GRM5: variants seen among roughly 807,000 people sequenced by gnomAD.
The protein encoded by GRM5 is glutamate metabotropic receptor 5, also known as metabotropic glutamate receptor 5.
In GRM5, 19 loss-of-function variants were observed where a neutral mutation model predicts 83.1. The ratio of observed to expected loss-of-function variants is 0.23; its 90% CI spans 0.16 to 0.34. GRM5 has a LOEUF of 0.34. Ranked by LOEUF, GRM5 falls within the 10% of genes least tolerant of loss-of-function variation. The probability of loss-of-function intolerance (pLI) is 1.00; values close to 1 mark genes in which losing one functional copy is unlikely to be tolerated. For synonymous variants in GRM5, 675 were observed against 633.6 expected (o/e 1.07, Z -0.98); for missense variants, 1,160 against 1,588.3 (o/e 0.73, Z 4.58).
chr11:89,033,367 A>G (rs1941309453), intron 2 of GRM5, among the ~76,000 whole-genome samples: 1 of 151,906 alleles, frequency 6.6e-6, no homozygotes, highest in African/African-American at 2.4e-5. Context: ...TCAGAAACAA[A>G]GTTTTACATA....
intron 9 of GRM5, among the ~76,000 whole-genome samples, chr11:88,518,705 CTTA>C (rs1385818030): frequency 2.0e-5 from 3 of 151,684 alleles, no homozygotes; most frequent in African/African-American, 7.3e-5. Flanking sequence ...AAATCTTGGC[CTTA>C]TTATTGGTAT....
intron 1 of GRM5, among the ~76,000 whole-genome samples, chr11:89,063,187 C>T (rs1165144247): frequency 3.3e-5 from 5 of 152,240 alleles, no homozygotes; most frequent in African/African-American, 1.2e-4. Context: ...TTCGAAACCA[C>T]GCGCACCTGG....
intron 4 of GRM5, among the ~76,000 whole-genome samples, chr11:88,647,919 G>T (rs987281254): frequency 4.0e-5 from 6 of 150,950 alleles, no homozygotes; most frequent in African/African-American, 1.5e-4. Context: ...ATCATCACTG[G>T]CCATCAGAGA....
chr11:88,711,957 G>T (rs1364780681), intron 3 of GRM5, among the ~76,000 whole-genome samples: 2 of 152,022 alleles, frequency 1.3e-5, no homozygotes, highest in Non-Finnish European at 2.9e-5. Context: ...ATTCCTTTAA[G>T]GCAAGCATTA....
chr11:88,679,953 C>T (rs1053970396), intron 3 of GRM5, among the ~76,000 whole-genome samples: 2 of 152,086 alleles, frequency 1.3e-5, no homozygotes, highest in Non-Finnish European at 2.9e-5. Context: ...GACAAAAACG[C>T]CTGAGAGTTG....
chr11:88,530,487 T>G (rs1941982578), intron 8 of GRM5, among the ~76,000 whole-genome samples: 1 of 152,026 alleles, frequency 6.6e-6, no homozygotes. Context: ...GTCCAGGAAG[T>G]TCTAGCTCTT....
chr11:88,776,775 C>T (rs995755741), intron 3 of GRM5, among the ~76,000 whole-genome samples: 1 of 152,190 alleles, frequency 6.6e-6, no homozygotes, highest in African/African-American at 2.4e-5. Flanking sequence ...CCCCCACTCT[C>T]TTCTGGCTTG....
chr11:88,681,382 T>G (rs1317128512), intron 3 of GRM5, among the ~76,000 whole-genome samples: 2 of 152,030 alleles, frequency 1.3e-5, no homozygotes, highest in East Asian at 1.9e-4. Context: ...CATTCTTTTT[T>G]GCAATTTACT....
chr11:88,843,353 T>TA (rs1369448656), intron 3 of GRM5, among the ~76,000 whole-genome samples: 7 of 152,092 alleles, frequency 4.6e-5, no homozygotes, highest in African/African-American at 1.7e-4. Context: ...ATACAATATA[T>TA]AAGGATCAAA....
intron 2 of GRM5, among the ~76,000 whole-genome samples, chr11:89,032,459 G>T (rs758095317): frequency 3.9e-5 from 6 of 151,968 alleles, no homozygotes; most frequent in African/African-American, 1.5e-4. Flanking sequence ...CAGGAGCCTC[G>T]TTCTGTGCAA....
chr11:88,808,275 T>C (rs1436173862), intron 3 of GRM5, among the ~76,000 whole-genome samples: 2 of 152,052 alleles, frequency 1.3e-5, no homozygotes, highest in Non-Finnish European at 1.5e-5. Flanking sequence ...TAGCAAGATA[T>C]AAGAAAATCT....
At position 89,051,778 on chromosome 11, in the gene GRM5, G is replaced by C. The variant is rs552276675; in HGVS notation, c.-200-3706C>G. On this transcript the variant is annotated intron_variant, in intron 1 of 9. Coordinates refer to ENST00000305447, the MANE Select transcript of GRM5 (RefSeq NM_001143831.3). Reference sequence around the variant, plus strand: ...TTGAGGAGATTTAAGCAAATGACTGGAACAATTCAATCTTAGAAAGGATTA... The same window carrying C: ...TTGAGGAGATTTAAGCAAATGACTGCAACAATTCAATCTTAGAAAGGATTA... Among the ~76,000 whole-genome samples the C allele has an allele frequency of 2.0e-5, 3 of 152,246 alleles. No homozygotes were observed. In the East Asian group the frequency reaches 5.8e-4, roughly 29 times the overall value.
intron 2 of GRM5, among the ~76,000 whole-genome samples, chr11:88,984,504 C>A (rs1335962550): frequency 2.0e-5 from 3 of 152,048 alleles, no homozygotes; most frequent in Admixed American, 6.6e-5. Context: ...CCTAATGTTG[C>A]ATTTTTCAGA....
chr11:88,787,780 T>C (rs2135471020), intron 3 of GRM5, among the ~76,000 whole-genome samples: 1 of 152,224 alleles, frequency 6.6e-6, no homozygotes, highest in East Asian at 1.9e-4. Context: ...GCTTTGGTAA[T>C]AAAATAATAT....
chr11:88,767,342 T>C (rs1942643317), intron 3 of GRM5, among the ~76,000 whole-genome samples: 2 of 152,046 alleles, frequency 1.3e-5, no homozygotes, highest in South Asian at 4.1e-4. Context: ...CTCAAAAGAA[T>C]GTAAATTTTC....
chr11:88,993,608 T>C (rs1420278920), intron 2 of GRM5, among the ~76,000 whole-genome samples: 2 of 152,206 alleles, frequency 1.3e-5, no homozygotes, highest in Non-Finnish European at 2.9e-5. Context: ...AAACTGTTTC[T>C]GTGTAAAGGT....
chr11:88,600,674 A>G (rs967816299), intron 5 of GRM5, among the ~76,000 whole-genome samples: 1 of 152,230 alleles, frequency 6.6e-6, no homozygotes, highest in African/African-American at 2.4e-5. Flanking sequence ...CTAAATGGCT[A>G]GAACTCTGAA....
intron 3 of GRM5, among the ~76,000 whole-genome samples, chr11:88,657,734 C>A (rs988459969): frequency 6.6e-5 from 10 of 151,940 alleles, no homozygotes; most frequent in Non-Finnish European, 1.3e-4. Context: ...TCTTGAATTA[C>A]CCTGCTATTT....
intron 2 of GRM5, among the ~76,000 whole-genome samples, chr11:88,970,398 T>C (rs1202315847): frequency 2.0e-5 from 3 of 152,152 alleles, no homozygotes; most frequent in Non-Finnish European, 4.4e-5. Flanking sequence ...GAAGGAGATA[T>C]AGCTTCTTCT....
Sources: gnomAD v4.1 joint callset for allele counts (sites outside exome capture counted in the v4.1 genomes callset) on GRCh38, gnomAD v4.1.1 for gene constraint, MANE v1.5 for transcripts, NCBI Gene and HGNC (gene_info 2026-07-23, HGNC 2026-07-21) for gene names.